Variants in CACNG2 observed in about 807,000 individuals in gnomAD.
The protein encoded by CACNG2 is calcium voltage-gated channel auxiliary subunit gamma 2.
Under a neutral mutation model 25.9 loss-of-function variants are expected in CACNG2, and 3 were observed. That is an observed-to-expected ratio of 0.12 (90% CI 0.05 to 0.30). The LOEUF (loss-of-function observed/expected upper bound fraction) is 0.30, where lower values mean the gene tolerates loss of function less well. CACNG2 is among the 10% of genes least tolerant of loss of function. CACNG2 has a pLI of 1.00. For synonymous variants in CACNG2, 167 were observed against 173.3 expected (o/e 0.96, Z 0.29); for missense variants, 341 against 432.5 (o/e 0.79, Z 1.88).
intron 1 of CACNG2, among the ~76,000 whole-genome samples, chr22:36,626,584 A>T (rs777510317): frequency 1.5e-4 from 23 of 152,206 alleles, no homozygotes; most frequent in South Asian, 2.1e-4. Context: ...GACCATATTT[A>T]TGAGATCTTT....
intron 1 of CACNG2, among the ~76,000 whole-genome samples, chr22:36,628,312 C>T (rs41307221): frequency 0.019 from 2,855 of 152,294 alleles, 52 homozygotes; most frequent in Middle Eastern, 0.085. Context: ...TTGCATTGAC[C>T]TTAATCAACA....
chr22:36,629,015 A>T (rs1603502054), intron 1 of CACNG2, among the ~76,000 whole-genome samples: 1 of 152,174 alleles, frequency 6.6e-6, no homozygotes, highest in East Asian at 1.9e-4. Flanking sequence ...CTGTCAAAAC[A>T]GATAGCAACC....
intron 3 of CACNG2, 139 bp from the exon 4 acceptor site, chr22:36,565,025 G>T: frequency 1.4e-6 from 1 of 738,738 alleles, no homozygotes; most frequent in Non-Finnish European, 2.3e-6. Context: ...GAACAGGTGG[G>T]GCGGTGTAGA....
At chr22:36,694,411 GCAGCTCAC>G (rs1937306311) in intron 1 of CACNG2, among the ~76,000 whole-genome samples, 1 of 152,168 alleles carries the variant, frequency 6.6e-6, no homozygotes, top group Admixed American at 6.5e-5. Context: ...CTAGGCCATC[GCAGCTCAC>G]CAGCAATCCC....
intron 1 of CACNG2, among the ~76,000 whole-genome samples, chr22:36,614,562 A>G (rs1161062052): frequency 6.6e-6 from 1 of 152,130 alleles, no homozygotes; most frequent in East Asian, 1.9e-4. Flanking sequence ...TCATCATTGT[A>G]TCCTGAGGCA....
chr22:36,642,329 G>A (rs1007332632), intron 1 of CACNG2, among the ~76,000 whole-genome samples: 6 of 152,166 alleles, frequency 3.9e-5, no homozygotes, highest in African/African-American at 1.4e-4. Flanking sequence ...TGCTCTGGTT[G>A]GGGATTTGAC....
At chr22:36,650,307 C>T (rs1377293492) in intron 1 of CACNG2, among the ~76,000 whole-genome samples, 6 of 152,060 alleles carry the variant, frequency 3.9e-5, no homozygotes, top group Non-Finnish European at 7.4e-5. Context: ...CCTCATTAGT[C>T]TCATTATCTA....
At chr22:36,580,755 G>A (rs1236868673) in intron 2 of CACNG2, among the ~76,000 whole-genome samples, 1 of 152,148 alleles carries the variant, frequency 6.6e-6, no homozygotes, top group Non-Finnish European at 1.5e-5. Context: ...GACTGTTGGA[G>A]GAAGCCAAAT....
intron 1 of CACNG2, among the ~76,000 whole-genome samples, chr22:36,679,321 T>C (rs1426744137): frequency 4.6e-5 from 7 of 151,940 alleles, no homozygotes; most frequent in African/African-American, 1.7e-4. Context: ...TAAAGTCCTT[T>C]ATAAGAAAAC....
intron 1 of CACNG2, among the ~76,000 whole-genome samples, chr22:36,590,071 A>T (rs1603501001): frequency 6.6e-6 from 1 of 152,156 alleles, no homozygotes; most frequent in Non-Finnish European, 1.5e-5. Flanking sequence ...TTGAGGACAG[A>T]GCTTCACCCA....
intron 1 of CACNG2, among the ~76,000 whole-genome samples, chr22:36,680,348 CTACCACCATCATCACCATCATCACCAT>C (rs1403762535): frequency 2.1e-5 from 3 of 140,288 alleles, no homozygotes; most frequent in Non-Finnish European, 4.7e-5. Context: ...ACCATCATCA[CTACCACCATCATCACCATCATCACCAT>C]TACCACCACC....
chr22:36,628,226 G>C (rs988654895), intron 1 of CACNG2, among the ~76,000 whole-genome samples: 1 of 152,158 alleles, frequency 6.6e-6, no homozygotes, highest in Non-Finnish European at 1.5e-5. Flanking sequence ...ATAGATAGTT[G>C]GGGACGAGAT....
At chr22:36,666,471 G>A (rs574135530) in intron 1 of CACNG2, among the ~76,000 whole-genome samples, 6 of 152,166 alleles carry the variant, frequency 3.9e-5, no homozygotes, top group African/African-American at 1.4e-4. Context: ...CCAGAATAGT[G>A]ACAATCATAG....
At chr22:36,672,344 G>C (rs1380216038) in intron 1 of CACNG2, among the ~76,000 whole-genome samples, 1 of 152,032 alleles carries the variant, frequency 6.6e-6, no homozygotes, top group East Asian at 1.9e-4. Flanking sequence ...TTTTTATAGA[G>C]ACTTGGTCTC....
At chr22:36,603,242 G>C (rs1251862496) in intron 1 of CACNG2, among the ~76,000 whole-genome samples, 7 of 152,222 alleles carry the variant, frequency 4.6e-5, no homozygotes, top group Admixed American at 3.9e-4. Context: ...CCAGAGTAAG[G>C]CCCTAACTCT....
At chr22:36,570,482 G>C (rs948129358) in intron 2 of CACNG2, among the ~76,000 whole-genome samples, 2 of 152,174 alleles carry the variant, frequency 1.3e-5, no homozygotes, top group Non-Finnish European at 2.9e-5. Context: ...GCAACAGGCC[G>C]GGCGCGGTGG....
At chr22:36,648,474 C>T (rs549785181) in intron 1 of CACNG2, among the ~76,000 whole-genome samples, 33 of 152,300 alleles carry the variant, frequency 2.2e-4, no homozygotes, top group African/African-American at 6.0e-4. Flanking sequence ...TTGTCTTGCC[C>T]TCTGGCCGTC....
chr22:36,574,578 C>T (rs990903230), intron 2 of CACNG2, among the ~76,000 whole-genome samples: 4 of 152,036 alleles, frequency 2.6e-5, no homozygotes, highest in South Asian at 2.1e-4. Context: ...GTCAGGAGTT[C>T]GAAACCAGCC....
intron 1 of CACNG2, among the ~76,000 whole-genome samples, chr22:36,623,168 G>A (rs1029328527): frequency 1.3e-5 from 2 of 151,250 alleles, no homozygotes; most frequent in Non-Finnish European, 2.9e-5. Context: ...TTACAGGCAT[G>A]CACCTCCATG....
Sources: allele counts gnomAD v4.1 joint callset (sites outside exome capture counted in the v4.1 genomes callset), GRCh38; gene constraint gnomAD v4.1.1; transcripts MANE v1.5; gene names NCBI Gene and HGNC (gene_info 2026-07-23, HGNC 2026-07-21).